The following CCSER1 variants were observed in gnomAD, a reference collection of about 807,000 sequenced individuals.
CCSER1 encodes the protein serine-rich coiled-coil domain-containing protein 1.
In CCSER1, 41 loss-of-function variants were observed where a neutral mutation model predicts 82.0. That is an observed-to-expected ratio of 0.50 (90% CI 0.39 to 0.65). CCSER1 has a LOEUF of 0.65. CCSER1 is among the 30% of genes least tolerant of loss of function. CCSER1 has a pLI of 0.00. For missense variants in CCSER1, 1,119 were observed against 1,064.2 expected (o/e 1.05, Z -0.72); for synonymous variants, 414 against 383.9 (o/e 1.08, Z -0.92).
chr4:90,938,203 T>G (rs1731187421), intron 9 of CCSER1, among the ~76,000 whole-genome samples: 1 of 152,092 alleles, frequency 6.6e-6, no homozygotes. Context: ...TGTTGCAGAT[T>G]AGCAAAATTC....
At chr4:90,529,134 CA>C (rs1169705943) in intron 5 of CCSER1, among the ~76,000 whole-genome samples, 4 of 151,998 alleles carry the variant, frequency 2.6e-5, no homozygotes, top group Admixed American at 2.0e-4. Flanking sequence ...CTCTTTCTTC[CA>C]GATTTTATGT....
At chr4:91,012,714 A>AATTG (rs1739104874) in intron 9 of CCSER1, among the ~76,000 whole-genome samples, 2 of 84,840 alleles carry the variant, frequency 2.4e-5, no homozygotes, top group Non-Finnish European at 3.5e-5. Context: ...CTCTAAGATA[A>AATTG]TGTAGAATAG....
At chr4:90,481,603 C>A (rs934568995) in intron 5 of CCSER1, among the ~76,000 whole-genome samples, 28 of 152,230 alleles carry the variant, frequency 1.8e-4, no homozygotes, top group Admixed American at 1.6e-3. Context: ...TTGTCAAAAG[C>A]CTTTTCTGCA....
At chr4:91,572,676 T>G (rs1001202076) in intron 10 of CCSER1, among the ~76,000 whole-genome samples, 12 of 151,564 alleles carry the variant, frequency 7.9e-5, no homozygotes, top group Non-Finnish European at 1.6e-4. Flanking sequence ...AAAGAAGCAG[T>G]CTGGGCTGGG....
At chr4:90,910,230 C>A (rs148490899) in intron 8 of CCSER1, among the ~76,000 whole-genome samples, 1 of 152,200 alleles carries the variant, frequency 6.6e-6, no homozygotes, top group Non-Finnish European at 1.5e-5. Context: ...CATCTCCCAC[C>A]AGGGCCCTCC....
chr4:91,156,174 G>C (rs1730800727), intron 10 of CCSER1, among the ~76,000 whole-genome samples: 1 of 151,472 alleles, frequency 6.6e-6, no homozygotes, highest in Non-Finnish European at 1.5e-5. Flanking sequence ...GGCCAAATAG[G>C]GGTTCATTAT....
chr4:90,804,871 A>T (rs1757304436), intron 7 of CCSER1, among the ~76,000 whole-genome samples: 1 of 152,146 alleles, frequency 6.6e-6, no homozygotes, highest in Non-Finnish European at 1.5e-5. Flanking sequence ...CTTGTATGTA[A>T]TTTTTTATCC....
intron 8 of CCSER1, among the ~76,000 whole-genome samples, chr4:90,882,790 T>C (rs528395349): frequency 6.6e-6 from 1 of 152,082 alleles, no homozygotes; most frequent in South Asian, 2.1e-4. Context: ...CCCTCAAATA[T>C]ACGCAACTTC....
intron 9 of CCSER1, among the ~76,000 whole-genome samples, chr4:91,053,687 C>G (rs1743194203): frequency 6.6e-6 from 1 of 152,224 alleles, no homozygotes; most frequent in Non-Finnish European, 1.5e-5. Flanking sequence ...GTCCGGATTC[C>G]TGGGAAACAT....
At chr4:91,304,939 G>A (rs34236572) in intron 10 of CCSER1, among the ~76,000 whole-genome samples, 9,056 of 151,868 alleles carry the variant, frequency 0.06, 349 homozygotes, top group Non-Finnish European at 0.085. Flanking sequence ...AGAAAGCAGG[G>A]CAAAATTTTC....
intron 5 of CCSER1, among the ~76,000 whole-genome samples, chr4:90,571,151 C>T (rs7659085): frequency 0.35 from 52,689 of 152,002 alleles, 9,746 homozygotes; most frequent in East Asian, 0.51. Flanking sequence ...TTAGTCCAGT[C>T]CCCGTGGAAA....
intron 4 of CCSER1, among the ~76,000 whole-genome samples, chr4:90,420,849 A>C (rs1192153885): frequency 6.6e-6 from 1 of 152,130 alleles, no homozygotes; most frequent in Non-Finnish European, 1.5e-5. Context: ...GTCAAAAGAA[A>C]AGATGTATTT....
chr4:91,543,447 T>G (rs1761714637), intron 10 of CCSER1, among the ~76,000 whole-genome samples: 2 of 152,208 alleles, frequency 1.3e-5, no homozygotes, highest in Non-Finnish European at 2.9e-5. Context: ...TACCGGTTGT[T>G]CCTTTCCATG....
intron 7 of CCSER1, among the ~76,000 whole-genome samples, chr4:90,736,700 A>G (rs2149425847): frequency 6.6e-6 from 1 of 152,040 alleles, no homozygotes; most frequent in South Asian, 2.1e-4. Flanking sequence ...ATTTACATTC[A>G]ATGATATTAT....
intron 6 of CCSER1, among the ~76,000 whole-genome samples, chr4:90,651,256 C>G (rs1377145267): frequency 2.0e-5 from 3 of 152,112 alleles, no homozygotes; most frequent in Non-Finnish European, 4.4e-5. Flanking sequence ...TATTGTGGCA[C>G]TATTCACAAT....
intron 10 of CCSER1, among the ~76,000 whole-genome samples, chr4:91,227,514 T>A (rs11097311): frequency 1.3e-5 from 2 of 150,700 alleles, no homozygotes; most frequent in East Asian, 1.9e-4. Flanking sequence ...AAACAGTGTT[T>A]ATTTTAATTT....
At chr4:91,135,052 C>G (rs1051127187) in intron 10 of CCSER1, among the ~76,000 whole-genome samples, 5 of 151,102 alleles carry the variant, frequency 3.3e-5, no homozygotes, top group African/African-American at 1.2e-4. Context: ...GAGAGAGACT[C>G]TGTCTCAAAG....
At chr4:90,222,741 TG>T (rs1742377682) in intron 1 of CCSER1, among the ~76,000 whole-genome samples, 2 of 152,200 alleles carry the variant, frequency 1.3e-5, no homozygotes, top group South Asian at 4.1e-4. Flanking sequence ...TTATTTCAAA[TG>T]GGACCTTAAT....
intron 8 of CCSER1, among the ~76,000 whole-genome samples, chr4:90,837,839 A>T (rs942522412): frequency 6.6e-6 from 1 of 152,168 alleles, no homozygotes; most frequent in Non-Finnish European, 1.5e-5. Flanking sequence ...AATGTATCAG[A>T]AGTAGTTGTA....
Sources: gnomAD v4.1 joint callset for allele counts (sites outside exome capture counted in the v4.1 genomes callset) on GRCh38, gnomAD v4.1.1 for gene constraint, MANE v1.5 for transcripts, NCBI Gene and HGNC (gene_info 2026-07-23, HGNC 2026-07-21) for gene names.